Variants in DNAH9 observed in about 807,000 individuals in gnomAD.
DNAH9 encodes the protein DNAH9 variant protein.
DNAH9 carries 345 observed loss-of-function variants against 471.6 expected under a neutral mutation model. That is an observed-to-expected ratio of 0.73 (90% CI 0.67 to 0.80). DNAH9 has a LOEUF of 0.80. Among genes scored for constraint, DNAH9 ranks in the 30% least tolerant of loss-of-function variants. The pLI is 0.00. For synonymous variants in DNAH9, 2,093 were observed against 2,123.6 expected, an observed-to-expected ratio of 0.99 and a Z score of 0.40; for missense variants, 5,407 against 5,609.2, an observed-to-expected ratio of 0.96 and a Z score of 1.15.
chr17:11,709,138 C>CT (rs1567738039), intron 26 of DNAH9, among the ~76,000 whole-genome samples: 1 of 152,068 alleles, frequency 6.6e-6, no homozygotes, highest in Admixed American at 6.6e-5. Context: ...TATACTAGTG[C>CT]TGAATACCTT....
At chr17:11,672,497 T>G (rs1485616522) in intron 17 of DNAH9, among the ~76,000 whole-genome samples, 2 of 152,166 alleles carry the variant, frequency 1.3e-5, no homozygotes, top group African/African-American at 4.8e-5. Context: ...TCCAGACCAT[T>G]TCACCACCAT....
At chr17:11,928,829 A>G (rs1320780110) in intron 62 of DNAH9, among the ~76,000 whole-genome samples, 5 of 152,168 alleles carry the variant, frequency 3.3e-5, no homozygotes, top group South Asian at 2.1e-4. Context: ...GTATGTACCA[A>G]TTACCGGAGG....
At chr17:11,704,064 TAGTC>T (rs2074652091) in intron 24 of DNAH9, 135 bp from the exon 25 acceptor site, 6 of 946,068 alleles carry the variant, frequency 6.3e-6, no homozygotes, top group South Asian at 4.6e-5. Context: ...ATGGTTCACT[TAGTC>T]AGTGCTGGTG....
At chr17:11,654,560 A>G (rs879576352) in intron 14 of DNAH9, among the ~76,000 whole-genome samples, 9 of 151,958 alleles carry the variant, frequency 5.9e-5, no homozygotes, top group Non-Finnish European at 1.3e-4. Context: ...ATATTGTAAC[A>G]TTTTAATTAT....
chr17:11,731,445 C>T (rs531340609), intron 28 of DNAH9, among the ~76,000 whole-genome samples: 52 of 150,924 alleles, frequency 3.4e-4, no homozygotes, highest in African/African-American at 4.1e-4. Context: ...ATGTGCACAA[C>T]GTGTGCAGGT....
At chr17:11,823,766 C>T (rs1344294071) in intron 48 of DNAH9, among the ~76,000 whole-genome samples, 1 of 151,974 alleles carries the variant, frequency 6.6e-6, no homozygotes, top group Non-Finnish European at 1.5e-5. Context: ...TCCATCTCTA[C>T]TAAAAATACA....
chr17:11,860,602 C>A (rs1246514162), intron 50 of DNAH9, among the ~76,000 whole-genome samples: 2 of 151,868 alleles, frequency 1.3e-5, no homozygotes, highest in African/African-American at 4.8e-5. Context: ...ACTCTTCTTG[C>A]CCAGGCTGGA....
At chr17:11,599,984 G>C (rs978552912) in intron 1 of DNAH9, among the ~76,000 whole-genome samples, 6 of 152,188 alleles carry the variant, frequency 3.9e-5, no homozygotes, top group Non-Finnish European at 7.3e-5. Flanking sequence ...CTGGATGCAA[G>C]TCCTGGAGTC....
intron 50 of DNAH9, among the ~76,000 whole-genome samples, chr17:11,867,784 A>G (rs1053282782): frequency 2.0e-5 from 3 of 152,330 alleles, no homozygotes; most frequent in African/African-American, 7.2e-5. Flanking sequence ...AGTTATGCCA[A>G]GATGTGGCAC....
chr17:11,759,253 T>C (rs1597603703), intron 35 of DNAH9, among the ~76,000 whole-genome samples: 1 of 151,838 alleles, frequency 6.6e-6, no homozygotes, highest in Admixed American at 6.6e-5. Flanking sequence ...CCAATGGGGG[T>C]ATTTCAACCC....
intron 50 of DNAH9, among the ~76,000 whole-genome samples, chr17:11,867,297 A>G (rs967883159): frequency 6.6e-6 from 1 of 152,222 alleles, no homozygotes; most frequent in Admixed American, 6.5e-5. Flanking sequence ...TCTGGAAAGC[A>G]TATCTGTCAG....
At chr17:11,785,460 C>T (rs890106108) in intron 41 of DNAH9, among the ~76,000 whole-genome samples, 1 of 152,100 alleles carries the variant, frequency 6.6e-6, no homozygotes, top group African/African-American at 2.4e-5. Flanking sequence ...TTGAGCCAAA[C>T]CATCAAAGCT....
chr17:11,884,789 T>G (rs931282416), intron 56 of DNAH9, among the ~76,000 whole-genome samples: 1 of 152,104 alleles, frequency 6.6e-6, no homozygotes, highest in Non-Finnish European at 1.5e-5. Context: ...GCATGAGAGT[T>G]TGTAAAGTAA....
rs369651318 is a variant in DNAH9 at position 11,680,898 on chromosome 17, C to G, written c.3743+9C>G. On this transcript the variant is annotated intron_variant, in intron 19 of 68. Coordinates refer to ENST00000262442, the MANE Select transcript of DNAH9 (RefSeq NM_001372.4). ...AAAGAAGCCCCGTTCAGGTATGGGC[C>G]GAACACTGCTGCCTCTCTTTCTGTG... The G allele has an allele frequency of 6.2e-7, 1 of 1,602,014 alleles. No individual in the cohort carries two copies. Among genetic ancestry groups the G allele is most frequent in the African/African-American group, 1.3e-5 (1 of 74,586 alleles).
At position 11,598,644 on chromosome 17, in the gene DNAH9, G is replaced by A. The variant is rs913532361; in HGVS notation, c.146G>A (p.Ser49Asn). ...GGCGCCTGGGAGCGTTGCGCGGGGAGTGCTGAGGCGGAGCAGCTGCTCCAG... is the reference window on the plus strand; with the variant it reads ...GGCGCCTGGGAGCGTTGCGCGGGGAATGCTGAGGCGGAGCAGCTGCTCCAG... ...AAGAWERCAG[S>N]AEAEQLLQAF... Residue 49 changes from serine to asparagine, a missense_variant, in exon 1 of 69, where the codon AGT becomes AAT. Physicochemically the swap from Ser to Asn is conservative, Grantham distance 46. Transcript: ENST00000262442. The A allele has an allele frequency of 2.2e-6, 3 of 1,354,952 alleles. No homozygotes were observed. The highest frequency in any genetic ancestry group is 3.5e-5 in the South Asian group (2 of 57,136). 83.9% of individuals were successfully genotyped at this position (1,354,952 alleles called of 1,614,324 possible).
rs1457830064 is a variant in DNAH9 at position 11,632,719 on chromosome 17, G to T, written c.1635+16G>T. On this transcript the variant is annotated intron_variant, in intron 8 of 68. Transcript: ENST00000262442. Reference sequence around the variant, plus strand: ...TGCCTTTAAGGTTTGTGTAAATGGGGCAGGAGCCACTCGGTCCTGGATACT... The same window carrying T: ...TGCCTTTAAGGTTTGTGTAAATGGGTCAGGAGCCACTCGGTCCTGGATACT... The T allele has an allele frequency of 7.5e-7, 1 of 1,335,040 alleles. No homozygotes were observed. The highest frequency in any genetic ancestry group is 1.7e-5 in the Admixed American group (1 of 59,636). The allele number at this position is 1,335,040 out of a possible 1,614,324, so 82.7% of individuals were successfully genotyped here.
At chr17:11,891,447 A>C (rs1973046547) in intron 57 of DNAH9, among the ~76,000 whole-genome samples, 1 of 151,948 alleles carries the variant, frequency 6.6e-6, no homozygotes, top group Non-Finnish European at 1.5e-5. Flanking sequence ...CTCACTGCAA[A>C]CTCTGCCTCC....
chr17:11,964,746 G>C (rs571091383), intron 68 of DNAH9, among the ~76,000 whole-genome samples: 43 of 152,238 alleles, frequency 2.8e-4, no homozygotes, highest in South Asian at 4.2e-4. Context: ...CCCCTAGCTT[G>C]GAGGTTACCT....
At chr17:11,764,812 C>A (rs563046536) in intron 36 of DNAH9, among the ~76,000 whole-genome samples, 31 of 152,114 alleles carry the variant, frequency 2.0e-4, no homozygotes, top group African/African-American at 7.0e-4. Context: ...TGGAAGGGAA[C>A]TTTGAAGGTG....
Sources: allele counts gnomAD v4.1 joint callset (sites outside exome capture counted in the v4.1 genomes callset), GRCh38; gene constraint gnomAD v4.1.1; transcripts MANE v1.5; gene names NCBI Gene and HGNC (gene_info 2026-07-23, HGNC 2026-07-21).